Variants in RIOK1 observed in about 807,000 individuals in gnomAD.
RIOK1 encodes the protein serine/threonine-protein kinase RIO1.
In RIOK1, 66 loss-of-function variants were observed where a neutral mutation model predicts 73.5. That is an observed-to-expected ratio of 0.90 (90% CI 0.74 to 1.10). The LOEUF is 1.10. Among genes scored for constraint, RIOK1 ranks in the 50% least tolerant of loss-of-function variants. The probability of loss-of-function intolerance (pLI) is 0.00; values close to 1 mark genes in which losing one functional copy is unlikely to be tolerated. For missense variants in RIOK1, 658 were observed against 699.8 expected, an observed-to-expected ratio of 0.94 and a Z score of 0.67; for synonymous variants, 224 against 226.8, an observed-to-expected ratio of 0.99 and a Z score of 0.11.
intron 12 of RIOK1, among the ~76,000 whole-genome samples, chr6:7,410,141 G>T (rs1390168453): frequency 6.6e-6 from 1 of 152,114 alleles, no homozygotes; most frequent in African/African-American, 2.4e-5. Flanking sequence ...TTTGAAAAAG[G>T]GGGGCTAGGG....
At chr6:7,394,613 G>A (rs1761426084) in intron 2 of RIOK1, among the ~76,000 whole-genome samples, 1 of 152,222 alleles carries the variant, frequency 6.6e-6, no homozygotes, top group Non-Finnish European at 1.5e-5. Flanking sequence ...CATAGCACCA[G>A]CGTAAGTGCT....
Position 7,402,687 on chromosome 6 carries a change from C to G in RIOK1, c.658C>G (p.Arg220Gly), listed in dbSNP as rs547473770. 1.2e-6 allele frequency: 2 copies of G among 1,611,152 alleles called. No homozygotes were observed. The highest frequency in any genetic ancestry group is 1.1e-5 in the South Asian group (1 of 90,628). ...YKTSILVFKD[R>G]DKYVSGEFRF... ...AACTTCTATTTTGGTGTTCAAAGAT[C>G]GGGATAAATATGTAAGTGGAGAATT... The change falls in exon 7 of 17, where the codon CGG becomes GGG. Residue 220 changes from arginine (R) to glycine (G), a missense_variant. Arg to Gly is a moderately radical substitution (Grantham distance 125). Coordinates refer to ENST00000379834, the MANE Select transcript of RIOK1 (RefSeq NM_031480.3).
Position 7,390,061 on chromosome 6 carries a change from A to G in RIOK1, c.59A>G (p.Asp20Gly), listed in dbSNP as rs777927378. ...RVVPGQFDDA[D>G]SSDSENRDLK... ...GTCCCCGGGCAATTCGACGACGCGG[A>G]CTCCTCTGACAGGTAGGCGGCCGTA... Residue 20 changes from aspartate to glycine, a missense_variant, in exon 1 of 17, where the codon GAC (aspartate) becomes GGC (glycine). Transcript: ENST00000379834. The G allele has an allele frequency of 3.8e-6, 6 of 1,559,008 alleles. No individual in the cohort carries two copies. Among genetic ancestry groups the G allele is most frequent in the Non-Finnish European group, 5.2e-6 (6 of 1,151,606 alleles).
rs1761706685 is a variant in RIOK1, at chr6:7,404,928, G to A, written c.1003G>A (p.Gly335Arg). The A allele has an allele frequency of 1.9e-6, 3 of 1,613,366 alleles. No individual in the cohort carries two copies. The highest frequency in any genetic ancestry group is 1.1e-5 in the South Asian group (1 of 91,032). ...GTCTCTGGCCCATAGGTACCACGGT[G>A]GAGGCGTGTATATCATTGACGTGTC... is the stretch of plus-strand genomic sequence containing the variant. ...LSEFNMLYHG[G>R]GVYIIDVSQS... is the part of the protein sequence containing the mutation. The change falls in exon 11 of 17, where the codon GGA becomes AGA. Residue 335 changes from glycine to arginine, a missense_variant. Gly to Arg is a moderately radical substitution (Grantham distance 125, BLOSUM62 -2). Transcript: ENST00000379834.
intron 15 of RIOK1, among the ~76,000 whole-genome samples, chr6:7,413,409 GT>G (rs1761931710): frequency 6.6e-6 from 1 of 152,090 alleles, no homozygotes; most frequent in Non-Finnish European, 1.5e-5. Flanking sequence ...AAACAATCTT[GT>G]TTTGTTTTAC....
chr6:7,404,912 C>G lies in RIOK1; in HGVS notation c.993-6C>G. On this transcript the variant is annotated splice_region_variant and splice_polypyrimidine_tract_variant and intron_variant, in intron 10 of 16. Coordinates refer to ENST00000379834, the MANE Select transcript of RIOK1 (RefSeq NM_031480.3). ...ATCCCACAGCTTCTGTGTCTCTGGCCCATAGGTACCACGGTGGAGGCGTGT... is the reference window on the plus strand; with the variant it reads ...ATCCCACAGCTTCTGTGTCTCTGGCGCATAGGTACCACGGTGGAGGCGTGT... 1 of 1,609,878 alleles carries G rather than the reference C, an allele frequency of 6.2e-7. No individual in the cohort carries two copies. The highest frequency in any genetic ancestry group is 8.5e-7 in the Non-Finnish European group (1 of 1,176,284).
rs1761641298 is a variant in RIOK1 at position 7,402,644 on chromosome 6, A to T, written c.615A>T (p.Arg205Ser). ...YHASTANGES[R>S]AIKIYKTSIL... Reference sequence around the variant, plus strand: ...CTAGCACAGCAAATGGAGAGAGCAGAGCAATCAAAATTTATAAAACTTCTA... The same window carrying T: ...CTAGCACAGCAAATGGAGAGAGCAGTGCAATCAAAATTTATAAAACTTCTA... The change falls in exon 7 of 17, where the codon AGA (arginine) becomes AGT (serine). Residue 205 changes from arginine to serine, a missense_variant. Physicochemically the swap from Arg to Ser is moderately radical, Grantham distance 110 (BLOSUM62 -1). Transcript: ENST00000379834. 1 of 1,612,852 alleles carries T rather than the reference A, an allele frequency of 6.2e-7. No individual in the cohort carries two copies. Among genetic ancestry groups the T allele is most frequent in the Non-Finnish European group, 8.5e-7 (1 of 1,179,224 alleles).
intron 12 of RIOK1, among the ~76,000 whole-genome samples, 191 bp downstream of exon 12, chr6:7,405,546 T>C (rs1382064856): frequency 1.3e-5 from 2 of 152,230 alleles, no homozygotes; most frequent in African/African-American, 4.8e-5. Context: ...ATTTCACATT[T>C]CATTTGAGCA....
chr6:7,393,071 T>C (rs766802537), intron 1 of RIOK1, 28 bp from the exon 2 acceptor site: 4 of 1,584,742 alleles, frequency 2.5e-6, no homozygotes, highest in Non-Finnish European at 3.5e-6. Flanking sequence ...AATATTGTTA[T>C]GAAATAATAA....
chr6:7,416,224 A>T (rs569960792), intron 16 of RIOK1, among the ~76,000 whole-genome samples: 1 of 152,248 alleles, frequency 6.6e-6, no homozygotes, highest in Non-Finnish European at 1.5e-5. Context: ...TCATATGTCT[A>T]CTAGAAACAC....
chr6:7,406,741 A>G (rs1471936388), intron 12 of RIOK1, among the ~76,000 whole-genome samples: 1 of 151,894 alleles, frequency 6.6e-6, no homozygotes, highest in African/African-American at 2.4e-5. Context: ...GCTCACTGCA[A>G]CCTCTGCCTT....
intron 4 of RIOK1, 136 bp downstream of exon 4, chr6:7,396,908 T>TGTGTGTGTGC (rs2113503306): frequency 1.8e-6 from 1 of 542,938 alleles, no homozygotes; most frequent in African/African-American, 1.9e-5. Flanking sequence ...TGTGTGTGTG[T>TGTGTGTGTGC]GTGTGTGTGT....
rs751208156 is a variant in RIOK1 at position 7,404,014 on chromosome 6, G to A, written c.841G>A (p.Gly281Ser). The change falls in exon 9 of 17, where the codon GGT becomes AGT. Residue 281 changes from glycine (G) to serine (S), a missense_variant. Transcript: ENST00000379834. Reference protein sequence around the residue: ...RSHVLVMSFIGKDDMPAPLLK... With the variant: ...RSHVLVMSFISKDDMPAPLLK... ...TCATGTTCTTGTCATGAGTTTCATC[G>A]GTAAAGATGACATGTAAGTACATGG... is the stretch of plus-strand genomic sequence containing the variant. The A allele has an allele frequency of 1.2e-5, 20 of 1,606,150 alleles. No homozygotes were observed. The highest frequency in any genetic ancestry group is 1.7e-4 in the Middle Eastern group (1 of 6,060).
chr6:7,415,107 A>C (rs1245234874), intron 16 of RIOK1, among the ~76,000 whole-genome samples: 2 of 152,198 alleles, frequency 1.3e-5, no homozygotes, highest in Non-Finnish European at 2.9e-5. Context: ...GGTATGCTTT[A>C]GAGAAGCCAT....
intron 12 of RIOK1, among the ~76,000 whole-genome samples, chr6:7,407,800 CT>C (rs977704837): frequency 6.6e-6 from 1 of 151,634 alleles, no homozygotes; most frequent in East Asian, 1.9e-4. Flanking sequence ...AGCCCCATGT[CT>C]TTTTTTTAAT....
At chr6:7,405,180 C>T in intron 11 of RIOK1, 69 bp from the exon 12 acceptor site, 1 of 1,122,036 alleles carries the variant, frequency 8.9e-7, no homozygotes, top group Non-Finnish European at 1.3e-6. Flanking sequence ...CCTTGTTTCT[C>T]TATAAGGTAG....
At chr6:7,395,526 A>G (rs767368379) in intron 3 of RIOK1, among the ~76,000 whole-genome samples, 13 of 151,860 alleles carry the variant, frequency 8.6e-5, no homozygotes, top group Non-Finnish European at 1.6e-4. Context: ...AAAAAAAAAA[A>G]AAGAAAAAAG....
intron 14 of RIOK1, among the ~76,000 whole-genome samples, chr6:7,412,229 C>T (rs573181807): frequency 4.6e-5 from 7 of 151,454 alleles, no homozygotes; most frequent in Admixed American, 2.0e-4. Flanking sequence ...GGCATGGTGG[C>T]GTGCTCCTGT....
rs1762047602 is a variant in RIOK1 at position 7,417,897 on chromosome 6, C to T, written c.*456C>T. On this transcript the variant is annotated 3_prime_UTR_variant, in exon 17 of 17. Transcript: ENST00000379834. ...ATGTTTATATAAAGGGAATTTCACC[C>T]ACAGTTCAGCTGGCTGTTGATTTTC... The T allele has an allele frequency of 1.3e-5, 2 of 152,216 alleles. No homozygotes were observed. Among genetic ancestry groups the T allele is most frequent in the African/African-American group, 4.8e-5 (2 of 41,442 alleles). 9.4% of individuals were successfully genotyped at this position (152,216 alleles called of 1,614,324 possible).
Sources: gnomAD v4.1 joint callset for allele counts (sites outside exome capture counted in the v4.1 genomes callset) on GRCh38, gnomAD v4.1.1 for gene constraint, MANE v1.5 for transcripts, NCBI Gene and HGNC (gene_info 2026-07-23, HGNC 2026-07-21) for gene names.